BICDL1: variants seen among roughly 807,000 people sequenced by gnomAD.
BICDL1 encodes BICD family-like cargo adapter 1.
BICDL1 carries 20 observed loss-of-function variants against 76.8 expected under a neutral mutation model. The ratio of observed to expected loss-of-function variants is 0.26; its 90% confidence interval spans 0.18 to 0.38. BICDL1 has a LOEUF of 0.38. BICDL1 is among the 10% of genes least tolerant of loss of function. The pLI is 1.00. For missense variants in BICDL1, 700 were observed against 798.6 expected (o/e 0.88, Z 1.49); for synonymous variants, 383 against 337.1 (o/e 1.14, Z -1.49).
chr12:120,056,627 G>C (rs1043741269), intron 2 of BICDL1, among the ~76,000 whole-genome samples: 2 of 152,084 alleles, frequency 1.3e-5, no homozygotes, highest in African/African-American at 4.8e-5. Context: ...TGAGGCAGGA[G>C]AATTGCTTGA....
chr12:120,090,155 A>T, intron 9 of BICDL1, 84 bp downstream of exon 9: 1 of 1,520,932 alleles, frequency 6.6e-7, no homozygotes, highest in South Asian at 1.2e-5. Context: ...AGAGTTTGCC[A>T]CTGGAGGGTT....
At position 120,079,400 on chromosome 12, in the gene BICDL1, T is replaced by C. The variant is rs1160198947; in HGVS notation, c.1453-1487T>C. The stretch of plus-strand genomic sequence containing the variant: ...CTGGGGCCTTTGCTCAGTTTCATTC[T>C]AGCTGAAGAGGATTAGACCTGGGAC... On this transcript the variant is annotated intron_variant, in intron 7 of 9. Transcript: ENST00000548673. The surrounding 1 kb of genome is among the most constrained non-coding windows in gnomAD (Gnocchi z 4.3). 6.6e-6 allele frequency among the ~76,000 whole-genome samples: 1 copy of C among 152,202 alleles called. No individual in the cohort carries two copies. The highest frequency in any genetic ancestry group is 1.5e-5 in the Non-Finnish European group (1 of 68,012).
intron 4 of BICDL1, among the ~76,000 whole-genome samples, chr12:120,067,823 A>C (rs1254941478): frequency 1.3e-5 from 2 of 152,164 alleles, no homozygotes; most frequent in Non-Finnish European, 2.9e-5. Flanking sequence ...AATTGTGCCA[A>C]ATGCTTCCTA....
Position 120,045,917 on chromosome 12 carries a change from T to TATAATAATA in BICDL1, c.646-15782_646-15774dup, listed in dbSNP as rs72097325. 9.2e-3 allele frequency among the ~76,000 whole-genome samples: 1,261 copies of TATAATAATA among 137,690 alleles called. 28 individuals carry two copies. In the East Asian group the frequency reaches 0.11, roughly 12 times the overall value. The allele number at this position is 137,690 out of a possible 152,430, so 90.3% of individuals were successfully genotyped here. On this transcript the variant is annotated intron_variant, in intron 2 of 9. Transcript: ENST00000548673. ...ACATGTACCCTAAAACTTAAAGTAT[T>TATAATAATA]ATAATAATAATAATAATAAAAAGAA...
At chr12:120,057,293 C>T (rs1952995439) in intron 2 of BICDL1, 4 of 324,614 alleles carry the variant, frequency 1.2e-5, no homozygotes, top group Admixed American at 4.3e-5. Flanking sequence ...GGGATTACAC[C>T]GCGCCTGGCC....
chr12:120,033,325 T>C lies in BICDL1; in HGVS notation c.646-28385T>C, dbSNP rs559067385. 7.9e-4 allele frequency among the ~76,000 whole-genome samples: 119 copies of C among 150,742 alleles called. 1 individual carries two copies. The highest frequency in any genetic ancestry group is 2.7e-3 in the African/African-American group (111 of 40,642). ...CTTTTCCTTTTTTATGCCAATGACA[T>C]GTTGAAGAAACTGGGCCAGTTTTCC... On this transcript the variant is annotated intron_variant, in intron 2 of 9. Transcript: ENST00000548673.
intron 2 of BICDL1, among the ~76,000 whole-genome samples, chr12:120,017,967 C>A (rs1482653986): frequency 1.3e-5 from 2 of 152,308 alleles, no homozygotes; most frequent in East Asian, 3.9e-4. Flanking sequence ...TTGATTCTTG[C>A]TGACTTCAGA....
chr12:120,063,942 C>T (rs1317780667), intron 3 of BICDL1, among the ~76,000 whole-genome samples: 1 of 152,176 alleles, frequency 6.6e-6, no homozygotes, highest in Non-Finnish European at 1.5e-5. Flanking sequence ...CCTCTGTTTT[C>T]TCACTGACAC....
In BICDL1 at chr12:120,094,344, T is replaced by C. The variant is rs1169021599; in HGVS notation, c.*1183T>C. The C allele has an allele frequency of 8.8e-6, 4 of 453,448 alleles. No homozygotes were observed. The highest frequency in any genetic ancestry group is 1.8e-5 in the Non-Finnish European group (4 of 225,114). The allele number at this position is 453,448 out of a possible 1,614,324, so 28.1% of individuals were successfully genotyped here. A position where few individuals can be genotyped will look rare whatever the true frequency, so the allele number is the denominator to read the frequency against. On this transcript the variant is annotated 3_prime_UTR_variant, in exon 10 of 10. Coordinates refer to ENST00000548673, the MANE Select transcript of BICDL1 (RefSeq NM_001367886.1). ...TGTAGATGTGTACATACCACAGTGC[T>C]GTAATTTTGTATGTAGCAATCATGT...
chr12:120,073,166 G>A (rs1348741878), intron 6 of BICDL1, among the ~76,000 whole-genome samples: 2 of 152,206 alleles, frequency 1.3e-5, no homozygotes, highest in African/African-American at 4.8e-5. Context: ...GAGCCACCAC[G>A]CCAGGCCGTG....
At chr12:119,990,393 T>G in intron 1 of BICDL1, 96 bp downstream of exon 1, 1 of 1,503,104 alleles carries the variant, frequency 6.7e-7, no homozygotes, top group Non-Finnish European at 8.8e-7. Context: ...CCCACTTCGT[T>G]GCTCACCCTA....
chr12:120,064,541 C>T (rs1384149210), intron 3 of BICDL1, 192 bp from the exon 4 acceptor site: 2 of 409,424 alleles, frequency 4.9e-6, no homozygotes, highest in East Asian at 4.6e-5. Context: ...CCTTCCCAGA[C>T]AGGTTTCTAG....
At chr12:120,011,151 A>G (rs147099516) in intron 2 of BICDL1, among the ~76,000 whole-genome samples, 116 of 152,316 alleles carry the variant, frequency 7.6e-4, no homozygotes, top group African/African-American at 2.7e-3. Context: ...GCTGTTTTCA[A>G]CAGGTGACTT....
At chr12:120,034,307 T>G (rs1952488481) in intron 2 of BICDL1, among the ~76,000 whole-genome samples, 1 of 152,198 alleles carries the variant, frequency 6.6e-6, no homozygotes. Context: ...CAAGGTTACT[T>G]GAATGTAACT....
At chr12:120,054,234 G>A (rs375517494) in intron 2 of BICDL1, among the ~76,000 whole-genome samples, 38 of 151,830 alleles carry the variant, frequency 2.5e-4, no homozygotes, top group Non-Finnish European at 8.8e-5. Context: ...CACCACCCCC[G>A]GCTAATTTTA....
chr12:120,080,814 T>C, intron 7 of BICDL1, 73 bp from the exon 8 acceptor site: 1 of 1,566,958 alleles, frequency 6.4e-7, no homozygotes, highest in Middle Eastern at 2.1e-4. Context: ...GGGGTCTCTT[T>C]GTTCCTTTTT....
rs35727779 is a variant in BICDL1, at chr12:120,032,745, A to ATTTTT, written c.646-28949_646-28945dup. Among the ~76,000 whole-genome samples the ATTTTT allele has an allele frequency of 8.0e-5, 10 of 124,480 alleles. 1 individual carries two copies. The highest frequency in any genetic ancestry group is 4.7e-4 in the East Asian group (2 of 4,258). 81.7% of individuals were successfully genotyped at this position (124,480 alleles called of 152,430 possible). A position where few individuals can be genotyped will look rare whatever the true frequency, so the allele number is the denominator to read the frequency against. On this transcript the variant is annotated intron_variant, in intron 2 of 9. Transcript: ENST00000548673. Reference sequence around the variant, plus strand: ...CTAGGTTTACCTAAATACATCTATAATTTTTTTTTTTTTTTTTTTTGAGAT... The same window carrying ATTTTT: ...CTAGGTTTACCTAAATACATCTATAATTTTTTTTTTTTTTTTTTTTTTTTTGAGAT...
At chr12:120,063,349 A>G (rs1953148175) in intron 3 of BICDL1, among the ~76,000 whole-genome samples, 1 of 152,178 alleles carries the variant, frequency 6.6e-6, no homozygotes, top group African/African-American at 2.4e-5. Context: ...CTTGAGAGAC[A>G]ATATTTCTTT....
rs114369998 is a variant in BICDL1, at chr12:119,997,900, G to A, written c.430-621G>A. On this transcript the variant is annotated intron_variant, in intron 1 of 9. Coordinates refer to ENST00000548673, the MANE Select transcript of BICDL1 (RefSeq NM_001367886.1). ...GGAGGCCGGGCCGGGGGGATCACGA[G>A]GTCAAGAAATCGAGACCAACCTGGG... Among the ~76,000 whole-genome samples, 551 of 152,236 alleles carry A rather than the reference G, an allele frequency of 3.6e-3. 3 individuals are homozygous for A. The highest frequency in any genetic ancestry group is 0.013 in the African/African-American group (534 of 41,530).
Sources: allele counts gnomAD v4.1 joint callset (sites outside exome capture counted in the v4.1 genomes callset), GRCh38; gene constraint gnomAD v4.1.1; non-coding constraint Gnocchi (gnomAD v3.1); transcripts MANE v1.5; gene names NCBI Gene and HGNC (gene_info 2026-07-23, HGNC 2026-07-21).